The following SARS2 variants were observed in gnomAD, a reference collection of about 807,000 sequenced individuals.
The protein encoded by SARS2 is seryl-tRNA synthetase 2, mitochondrial.
SARS2 carries 52 observed loss-of-function variants against 66.8 expected under a neutral mutation model. The ratio of observed to expected loss-of-function variants is 0.78; its 90% CI spans 0.62 to 0.98. The LOEUF is 0.98. Ranked by LOEUF, SARS2 falls within the 50% of genes least tolerant of loss-of-function variation. SARS2 has a pLI of 0.00. For synonymous variants in SARS2, 306 were observed against 281.4 expected, an observed-to-expected ratio of 1.09 and a Z score of -0.87; for missense variants, 673 against 706.3, an observed-to-expected ratio of 0.95 and a Z score of 0.53.
At chr19:38,923,219 C>T (rs936795801) in intron 2 of SARS2, among the ~76,000 whole-genome samples, 1,853 of 75,620 alleles carry the variant, frequency 0.025, 19 homozygotes, top group Middle Eastern at 0.11. Flanking sequence ...CTCAGGTTTT[C>T]TTTTTTTTTT....
intron 3 of SARS2, 49 bp from the exon 4 acceptor site, chr19:38,921,716 T>C: frequency 6.2e-7 from 1 of 1,608,196 alleles, no homozygotes; most frequent in Middle Eastern, 1.7e-4. Flanking sequence ...CAGGACTCCC[T>C]CATCCAGTGT....
At chr19:38,917,281 T>G (rs1173684219) in intron 12 of SARS2, among the ~76,000 whole-genome samples, 1 of 152,224 alleles carries the variant, frequency 6.6e-6, no homozygotes, top group Non-Finnish European at 1.5e-5. Context: ...TTTTTTACAA[T>G]GGGTCACCCA....
intron 1 of SARS2, chr19:38,928,268 C>G (rs1252118508): frequency 6.6e-6 from 1 of 152,020 alleles, no homozygotes; most frequent in East Asian, 1.9e-4. Flanking sequence ...ACCCTAGCTA[C>G]TTGGGAGACT....
chr19:38,925,493 G>A (rs868642838), intron 2 of SARS2, among the ~76,000 whole-genome samples: 2 of 152,114 alleles, frequency 1.3e-5, no homozygotes, highest in African/African-American at 4.8e-5. Flanking sequence ...GGAGTGTGGT[G>A]GGGGTCTGGG....
In SARS2 at chr19:38,921,606, A is replaced by G. The variant is rs759644599; in HGVS notation, c.455T>C (p.Leu152Pro). 1.7e-5 allele frequency: 27 copies of G among 1,614,090 alleles called. No homozygotes were observed. The highest frequency in any genetic ancestry group is 1.4e-5 in the Non-Finnish European group (17 of 1,180,026). The change falls in exon 4 of 16, where the codon CTG becomes CCG. Residue 152 changes from leucine to proline, a missense_variant. Transcript: ENST00000221431. The stretch of plus-strand genomic sequence containing the variant: ...CTCAAGCTGGGCCTCCCTGGGGTAC[A>G]GGTGAACAAGCTCCTTCCGGATCTC... ...GREIRKELVH[L>P]YPREAQLEEQ...
At chr19:38,917,671 TCCCTCCCCTAC>T in intron 12 of SARS2, 42 bp downstream of exon 12, 1 of 994,806 alleles carries the variant, frequency 1.0e-6, no homozygotes, top group Non-Finnish European at 1.6e-6. Flanking sequence ...CAGCCCCTTG[TCCCTCCCCTAC>T]CCCACCCCTG....
rs761557090 is a variant in SARS2 at position 38,921,958 on chromosome 19, C to G, written c.393+280G>C. The G allele has an allele frequency of 2.6e-6, 4 of 1,550,266 alleles. No individual in the cohort carries two copies. In the Admixed American group the frequency reaches 7.8e-5, roughly 30 times the overall value. ...ATGAGAATCAGCCCCAGGACTTTAA[C>G]TGGAACTATCAGGAAAGCGTGCTTG... On this transcript the variant is annotated intron_variant, in intron 3 of 15. Coordinates refer to ENST00000221431, the MANE Select transcript of SARS2 (RefSeq NM_017827.4).
chr19:38,921,301 A>G (rs1974529847), intron 5 of SARS2, 91 bp downstream of exon 5: 6 of 1,343,028 alleles, frequency 4.5e-6, no homozygotes, highest in African/African-American at 4.3e-5. Flanking sequence ...GGCTCCAGAC[A>G]TGTTCCCAGA....
Position 38,917,912 on chromosome 19 carries a change from G to A in SARS2, c.1050+9C>T, listed in dbSNP as rs779809647. On this transcript the variant is annotated intron_variant, in intron 11 of 15. Transcript: ENST00000221431. Reference sequence around the variant, plus strand: ...CACCCCAGCCCCGTTTAGTCCCAGCGACACCAGCCTTGGTGAAGTGGTGTA... The same window carrying A: ...CACCCCAGCCCCGTTTAGTCCCAGCAACACCAGCCTTGGTGAAGTGGTGTA... 3.7e-6 allele frequency: 6 copies of A among 1,612,594 alleles called. No individual in the cohort carries two copies. The highest frequency in any genetic ancestry group is 4.5e-5 in the East Asian group (2 of 44,834).
At chr19:38,925,871 C>A (rs1360812889) in intron 2 of SARS2, among the ~76,000 whole-genome samples, 1 of 152,110 alleles carries the variant, frequency 6.6e-6, no homozygotes, top group Non-Finnish European at 1.5e-5. Flanking sequence ...GGCTGGAGTG[C>A]AGTGGCGCCA....
At chr19:38,926,110 C>T in intron 2 of SARS2, 95 bp downstream of exon 2, 1 of 1,075,438 alleles carries the variant, frequency 9.3e-7, no homozygotes, top group South Asian at 1.3e-5. Context: ...GCCACCGTGC[C>T]AGCCTGTTCA....
At chr19:38,926,370 G>C (rs1003805340) in intron 1 of SARS2, 70 bp from the exon 2 acceptor site, 1 of 1,453,252 alleles carries the variant, frequency 6.9e-7, no homozygotes, top group African/African-American at 1.4e-5. Flanking sequence ...GAGCCCACTG[G>C]CCACCTGGAC....
chr19:38,930,324 T>C (rs1329664208), intron 1 of SARS2, 146 bp downstream of exon 1: 7 of 1,037,258 alleles, frequency 6.7e-6, no homozygotes, highest in Non-Finnish European at 9.6e-6. Flanking sequence ...GGCACATAAG[T>C]GGGTGCCATG....
chr19:38,930,187 T>C, intron 1 of SARS2: 1 of 435,106 alleles, frequency 2.3e-6, no homozygotes, highest in Non-Finnish European at 4.2e-6. Context: ...GAGGGCAATG[T>C]CACATAGCAA....
intron 2 of SARS2, among the ~76,000 whole-genome samples, chr19:38,922,927 G>A (rs942686983): frequency 1.4e-5 from 2 of 147,644 alleles, no homozygotes; most frequent in Non-Finnish European, 1.5e-5. Context: ...TTTTTGAGAC[G>A]GAGTCTTGCT....
rs747359895 is a variant in SARS2, at chr19:38,921,671, G to A, written c.394-4C>T. On this transcript the variant is annotated splice_region_variant and splice_polypyrimidine_tract_variant and intron_variant, in intron 3 of 15. Transcript: ENST00000221431. Reference sequence around the variant, plus strand: ...GCAGACCCTGGTACTTGGGGTCCTGGGGGCAGCACAGGTGGGCTCAGCCCG... The same window carrying A: ...GCAGACCCTGGTACTTGGGGTCCTGAGGGCAGCACAGGTGGGCTCAGCCCG... 5.0e-6 allele frequency: 8 copies of A among 1,614,064 alleles called. No individual in the cohort carries two copies. The East Asian group carries it at 1.1e-4, about 22-fold the overall frequency.
At chr19:38,927,657 T>G (rs1452279923) in intron 1 of SARS2, among the ~76,000 whole-genome samples, 2 of 152,148 alleles carry the variant, frequency 1.3e-5, no homozygotes, top group Non-Finnish European at 2.9e-5. Context: ...TTATACACAT[T>G]CCCAACAGCA....
At chr19:38,918,321 A>G in intron 9 of SARS2, 101 bp downstream of exon 9, 2 of 1,236,332 alleles carry the variant, frequency 1.6e-6, no homozygotes, top group Non-Finnish European at 2.4e-6. Flanking sequence ...GGGGCTGCTG[A>G]GCTGCTCGGG....
chr19:38,926,988 G>A lies in SARS2; in HGVS notation c.268-688C>T, dbSNP rs138385969. Among the ~76,000 whole-genome samples the A allele has an allele frequency of 4.1e-3, 616 of 150,018 alleles. 1 individual carries two copies. The highest frequency in any genetic ancestry group is 0.014 in the African/African-American group (587 of 40,656). On this transcript the variant is annotated intron_variant, in intron 1 of 15. Transcript: ENST00000221431. ...GTCTCACTCTGTCACCCAGGCTGGA[G>A]TGTAGTGGCATGATCTTGGCTCATT...
Sources: allele counts gnomAD v4.1 joint callset (sites outside exome capture counted in the v4.1 genomes callset), GRCh38; gene constraint gnomAD v4.1.1; transcripts MANE v1.5; gene names NCBI Gene and HGNC (gene_info 2026-07-23, HGNC 2026-07-21).